The following PPP1R13B variants were observed in gnomAD, a reference collection of about 807,000 sequenced individuals.
PPP1R13B encodes apoptosis-stimulating of p53 protein 1.
Under a neutral mutation model 119.8 loss-of-function variants are expected in PPP1R13B, and 44 were observed. The ratio of observed to expected loss-of-function variants is 0.37; its 90% CI spans 0.29 to 0.47. The LOEUF (loss-of-function observed/expected upper bound fraction) is 0.47. PPP1R13B is among the 20% of genes least tolerant of loss of function. The pLI is 0.99. For synonymous variants in PPP1R13B, 542 were observed against 561.5 expected, an observed-to-expected ratio of 0.97 and a Z score of 0.49; for missense variants, 1,227 against 1,413.5, an observed-to-expected ratio of 0.87 and a Z score of 2.12.
In PPP1R13B at chr14:103,740,543, G is replaced by A. The variant is rs754061946; in HGVS notation, c.1873C>T (p.Pro625Ser). Residue 625 changes from proline (P) to serine (S), a missense_variant, in exon 12 of 17, where the codon CCG becomes TCG. Transcript: ENST00000202556. This position sits in a 1 kb window ranked among gnomAD's most constrained non-coding sequence, Gnocchi z 4.6. ...GTGGACAGTGACCCGTGAAGAAACG[G>A]CAGCGGCGATGGAGAGGTTGAACCC... ...PSGSTSPSPL[P>S]FLHGSLSTGT... The A allele has an allele frequency of 6.4e-7, 1 of 1,568,276 alleles. No individual in the cohort carries two copies. Among genetic ancestry groups the A allele is most frequent in the South Asian group, 1.2e-5 (1 of 86,786 alleles).
At chr14:103,766,753 G>T (rs1037373081) in intron 4 of PPP1R13B, among the ~76,000 whole-genome samples, 5 of 152,010 alleles carry the variant, frequency 3.3e-5, no homozygotes, top group Non-Finnish European at 5.9e-5. Context: ...CACTACAAGT[G>T]CGTGCCATCA....
intron 1 of PPP1R13B, among the ~76,000 whole-genome samples, chr14:103,820,399 GTGT>G (rs1223166457): frequency 1.3e-5 from 2 of 151,776 alleles, no homozygotes; most frequent in Non-Finnish European, 2.9e-5. Context: ...CTCAAAAATA[GTGT>G]TGTTATTGGC....
At chr14:103,749,745 T>G (rs776962697) in intron 8 of PPP1R13B, 49 bp downstream of exon 8, 3 of 1,577,000 alleles carry the variant, frequency 1.9e-6, no homozygotes, top group Non-Finnish European at 8.7e-7. Flanking sequence ...GGGCAATGCT[T>G]GGATAAACTA....
At chr14:103,749,325 C>T (rs571125348) in intron 8 of PPP1R13B, among the ~76,000 whole-genome samples, 19 of 152,214 alleles carry the variant, frequency 1.2e-4, no homozygotes, top group African/African-American at 4.3e-4. Context: ...GCATTTTGGT[C>T]AAGAGTTTAC....
chr14:103,811,327 C>T (rs917657222), intron 1 of PPP1R13B, among the ~76,000 whole-genome samples: 3 of 151,932 alleles, frequency 2.0e-5, no homozygotes, highest in African/African-American at 7.3e-5. Flanking sequence ...AATGAAAAGA[C>T]AAGCCACAGA....
intron 1 of PPP1R13B, among the ~76,000 whole-genome samples, chr14:103,799,090 C>G (rs897571209): frequency 3.9e-5 from 6 of 152,174 alleles, no homozygotes; most frequent in African/African-American, 1.4e-4. Context: ...ACCTCTGCCT[C>G]CCCAGTTCAA....
intron 1 of PPP1R13B, among the ~76,000 whole-genome samples, chr14:103,831,138 T>A (rs1354894647): frequency 6.6e-6 from 1 of 151,734 alleles, no homozygotes; most frequent in East Asian, 1.9e-4. Context: ...AGAGATGGGG[T>A]TTCACCACAT....
chr14:103,771,619 T>G (rs1222937421), intron 4 of PPP1R13B, among the ~76,000 whole-genome samples: 1 of 151,898 alleles, frequency 6.6e-6, no homozygotes, highest in Non-Finnish European at 1.5e-5. Context: ...TAGTTGGGAT[T>G]ACAGGCGCCT....
In PPP1R13B at chr14:103,734,127, G is replaced by A. The variant is rs76565874; in HGVS notation, c.*1027C>T. 40 of 216,996 alleles carry A rather than the reference G, an allele frequency of 1.8e-4. No individual in the cohort carries two copies. The East Asian group carries it at 3.5e-3, about 19-fold the overall frequency. The allele number at this position is 216,996 out of a possible 1,614,324, so 13.4% of individuals were successfully genotyped here. ...AGCGCCCTCCTTGCCTTGAGGCTGGGCCTGGGACAAAGGTGGCCTCACAGC... is the reference window on the plus strand; with the variant it reads ...AGCGCCCTCCTTGCCTTGAGGCTGGACCTGGGACAAAGGTGGCCTCACAGC... On this transcript the variant is annotated 3_prime_UTR_variant, in exon 17 of 17. Transcript: ENST00000202556.
At chr14:103,804,892 A>C (rs2085981144) in intron 1 of PPP1R13B, among the ~76,000 whole-genome samples, 1 of 152,358 alleles carries the variant, frequency 6.6e-6, no homozygotes, top group Admixed American at 6.5e-5. Flanking sequence ...GCTGGAGTGC[A>C]GTGGCTCAAT....
At chr14:103,770,017 T>C (rs1020113410) in intron 4 of PPP1R13B, among the ~76,000 whole-genome samples, 5 of 152,102 alleles carry the variant, frequency 3.3e-5, no homozygotes, top group Non-Finnish European at 7.4e-5. Context: ...TCCCCTGCAA[T>C]AGTACTACAA....
At chr14:103,761,753 A>T (rs1473619495) in intron 4 of PPP1R13B, among the ~76,000 whole-genome samples, 1 of 149,272 alleles carries the variant, frequency 6.7e-6, no homozygotes, top group African/African-American at 2.5e-5. Context: ...ACAGAGCAAG[A>T]CTCCATCTCA....
chr14:103,837,645 G>A (rs1487250954), intron 1 of PPP1R13B, among the ~76,000 whole-genome samples: 5 of 151,940 alleles, frequency 3.3e-5, no homozygotes, highest in African/African-American at 4.8e-5. Context: ...CTTTTCAACT[G>A]GATCTTTCTC....
intron 7 of PPP1R13B, among the ~76,000 whole-genome samples, chr14:103,750,762 C>T (rs1482784527): frequency 3.3e-5 from 5 of 151,454 alleles, no homozygotes; most frequent in African/African-American, 4.9e-5. Context: ...AACCAGGAGG[C>T]GGTGGTTGCA....
intron 8 of PPP1R13B, chr14:103,746,815 C>T (rs542040213): frequency 4.1e-4 from 119 of 292,468 alleles, no homozygotes; most frequent in African/African-American, 2.2e-3. Flanking sequence ...GCAACTTCCC[C>T]GTGATCCACA....
At chr14:103,770,055 T>A (rs2085030359) in intron 4 of PPP1R13B, among the ~76,000 whole-genome samples, 1 of 151,974 alleles carries the variant, frequency 6.6e-6, no homozygotes, top group Admixed American at 6.6e-5. Flanking sequence ...TAAATGTGAA[T>A]AACTTTTTTT....
At chr14:103,789,222 ATT>A (rs144373317) in intron 2 of PPP1R13B, among the ~76,000 whole-genome samples, 1 of 150,914 alleles carries the variant, frequency 6.6e-6, no homozygotes, top group Admixed American at 6.6e-5. Flanking sequence ...TATTTTTGCA[ATT>A]TTTTTTTTGG....
Position 103,754,255 on chromosome 14 carries a change from A to G in PPP1R13B, c.457-11T>C, listed in dbSNP as rs144240536. 28 of 1,596,074 alleles carry G rather than the reference A, an allele frequency of 1.8e-5. No individual in the cohort carries two copies. The African/African-American group carries it at 3.8e-4, about 22-fold the overall frequency. The stretch of plus-strand genomic sequence containing the variant: ...ATGTAAACGCTGTTCCTAACAAAAG[A>G]AAGAAAAATGTAACTTTGAAAATTG... On this transcript the variant is annotated splice_polypyrimidine_tract_variant and intron_variant, in intron 5 of 16. Coordinates refer to ENST00000202556, the MANE Select transcript of PPP1R13B (RefSeq NM_015316.3).
chr14:103,827,287 G>A (rs1195474753), intron 1 of PPP1R13B, among the ~76,000 whole-genome samples: 1 of 152,112 alleles, frequency 6.6e-6, no homozygotes, highest in African/African-American at 2.4e-5. Flanking sequence ...AGTGAGCAGA[G>A]ATCGCGCCAC....
Sources: allele counts gnomAD v4.1 joint callset (sites outside exome capture counted in the v4.1 genomes callset), GRCh38; gene constraint gnomAD v4.1.1; non-coding constraint Gnocchi (gnomAD v3.1); transcripts MANE v1.5; gene names NCBI Gene and HGNC (gene_info 2026-07-23, HGNC 2026-07-21).